RYR3: variants seen among roughly 807,000 people sequenced by gnomAD.
The protein encoded by RYR3 is ryanodine receptor 3, also known as brain ryanodine receptor-calcium release channel.
RYR3 carries 207 observed loss-of-function variants against 584.3 expected under a neutral mutation model. The observed-to-expected ratio is 0.35, with a 90% CI of 0.32 to 0.40. The LOEUF (loss-of-function observed/expected upper bound fraction) is 0.40. Among genes scored for constraint, RYR3 ranks in the 10% least tolerant of loss-of-function variants. The probability of loss-of-function intolerance (pLI) is 1.00; values close to 1 mark genes in which losing one functional copy is unlikely to be tolerated. For missense variants in RYR3, 5,616 were observed against 6,089.2 expected, an observed-to-expected ratio of 0.92 and a Z score of 2.59; for synonymous variants, 2,416 against 2,248.5, an observed-to-expected ratio of 1.07 and a Z score of -2.11.
intron 65 of RYR3, among the ~76,000 whole-genome samples, chr15:33,781,172 C>G (rs900402815): frequency 1.3e-5 from 2 of 152,178 alleles, no homozygotes; most frequent in Non-Finnish European, 2.9e-5. Context: ...GTGCTTGTAT[C>G]TGGGTTAATT....
chr15:33,451,242 A>G (rs2047099630), intron 1 of RYR3, among the ~76,000 whole-genome samples: 1 of 152,160 alleles, frequency 6.6e-6, no homozygotes, highest in African/African-American at 2.4e-5. Flanking sequence ...ACTTTCCCCC[A>G]GTAGATAGCA....
At chr15:33,793,818 A>G (rs1329711181) in intron 67 of RYR3, among the ~76,000 whole-genome samples, 1 of 151,190 alleles carries the variant, frequency 6.6e-6, no homozygotes, top group Non-Finnish European at 1.5e-5. Context: ...GCATTATTTT[A>G]TAAGGTAAAT....
rs2152702882 is a variant in RYR3 at position 33,660,235 on chromosome 15, A to G, written c.4434A>G (p.Glu1478=). 1 of 1,553,392 alleles carries G rather than the reference A, an allele frequency of 6.4e-7. No individual in the cohort carries two copies. The highest frequency in any genetic ancestry group is 8.7e-7 in the Non-Finnish European group (1 of 1,148,028). Reference sequence around the variant, plus strand: ...TGTCAGCGGCCATATTCAGGAGTGAAGAGAAGAACCCAGTCCCACAGTGTC... The same window carrying G: ...TGTCAGCGGCCATATTCAGGAGTGAGGAGAAGAACCCAGTCCCACAGTGTC... ...MPLSAAIFRS[E]EKNPVPQCPP... The change falls in exon 34 of 104, where the codon GAA becomes GAG. Residue 1478 remains glutamate (E), a synonymous_variant. Transcript: ENST00000634891.
intron 1 of RYR3, among the ~76,000 whole-genome samples, chr15:33,453,123 T>C (rs1021184445): frequency 2.6e-5 from 4 of 152,140 alleles, no homozygotes; most frequent in Non-Finnish European, 5.9e-5. Context: ...TGGAATATAG[T>C]CAAGCAACAA....
chr15:33,688,857 C>T (rs1010617790), intron 38 of RYR3, among the ~76,000 whole-genome samples: 25 of 152,042 alleles, frequency 1.6e-4, no homozygotes, highest in Middle Eastern at 3.2e-3. Context: ...CCATTTGATC[C>T]GGCAATCCCA....
intron 3 of RYR3, among the ~76,000 whole-genome samples, chr15:33,509,504 C>G (rs1470472776): frequency 6.6e-6 from 1 of 152,132 alleles, no homozygotes; most frequent in Non-Finnish European, 1.5e-5. Context: ...GGAACTGCGT[C>G]CATAATTCTA....
intron 64 of RYR3, 104 bp from the exon 65 acceptor site, chr15:33,780,107 C>T: frequency 7.2e-7 from 1 of 1,382,972 alleles, no homozygotes; most frequent in Non-Finnish European, 9.9e-7. Context: ...GAGCCTAGTG[C>T]CTAGGGATGT....
chr15:33,343,905 T>A (rs1049246032), intron 1 of RYR3, among the ~76,000 whole-genome samples: 1 of 152,206 alleles, frequency 6.6e-6, no homozygotes, highest in African/African-American at 2.4e-5. Context: ...ATTCTTGATG[T>A]CTTCTGGCTT....
intron 65 of RYR3, among the ~76,000 whole-genome samples, chr15:33,782,564 C>G (rs1046150053): frequency 6.7e-6 from 1 of 149,466 alleles, no homozygotes; most frequent in Non-Finnish European, 1.5e-5. Context: ...TATCTAGAGC[C>G]GGAGAATGAC....
chr15:33,836,948 C>T lies in RYR3; in HGVS notation c.11611C>T (p.Leu3871Phe). Residue 3871 changes from leucine to phenylalanine, a missense_variant, in exon 88 of 104, where the codon CTT becomes TTT. Transcript: ENST00000634891. ...GCTGCTGAAGGAACTCTTGGATCTC[C>T]TTCAGGACATGGTGGTGATGCTTCT... ...IELLKELLDL[L>F]QDMVVMLLSL... 1 of 1,613,760 alleles carries T rather than the reference C, an allele frequency of 6.2e-7. No homozygotes were observed. The highest frequency in any genetic ancestry group is 8.5e-7 in the Non-Finnish European group (1 of 1,179,846).
At chr15:33,660,460 AG>A (rs1483048889) in intron 34 of RYR3, 37 bp downstream of exon 34, 1 of 1,440,340 alleles carries the variant, frequency 6.9e-7, no homozygotes, top group Non-Finnish European at 9.4e-7. Context: ...GGCAGGCCTG[AG>A]GGGCAGGTGA....
chr15:33,680,899 G>C (rs773850778), intron 38 of RYR3, among the ~76,000 whole-genome samples: 1 of 152,200 alleles, frequency 6.6e-6, no homozygotes, highest in Non-Finnish European at 1.5e-5. Flanking sequence ...GTTCTGGCTC[G>C]TGATTTTCAG....
intron 16 of RYR3, among the ~76,000 whole-genome samples, chr15:33,589,790 C>G (rs768406488): frequency 6.6e-6 from 1 of 152,180 alleles, no homozygotes; most frequent in Non-Finnish European, 1.5e-5. Context: ...GGCTTTATTT[C>G]TAAGTTCTCT....
At chr15:33,855,687 T>C (rs1175290498) in intron 98 of RYR3, among the ~76,000 whole-genome samples, 1 of 152,122 alleles carries the variant, frequency 6.6e-6, no homozygotes, top group African/African-American at 2.4e-5. Flanking sequence ...CACACACACA[T>C]ATGTATATGG....
intron 1 of RYR3, chr15:33,465,680 C>T: frequency 3.9e-6 from 2 of 518,512 alleles, no homozygotes; most frequent in Non-Finnish European, 7.7e-6. Flanking sequence ...GTGTGGAGGA[C>T]AGCAGTGAGA....
At chr15:33,323,549 G>A (rs938108134) in intron 1 of RYR3, among the ~76,000 whole-genome samples, 36 of 152,070 alleles carry the variant, frequency 2.4e-4, no homozygotes, top group African/African-American at 8.7e-4. Flanking sequence ...TATGGGGAGG[G>A]GGTGGAAGAT....
chr15:33,526,042 T>G lies in RYR3; in HGVS notation c.280-4550T>G, dbSNP rs145194684. 7.9e-5 allele frequency among the ~76,000 whole-genome samples: 12 copies of G among 152,302 alleles called. No homozygotes were observed. In the East Asian group the frequency reaches 2.3e-3, roughly 29 times the overall value. On this transcript the variant is annotated intron_variant, in intron 3 of 103. Transcript: ENST00000634891. ...CTTCCTGAGGCCTTGGAAGATTTCT[T>G]ATTGCCTGGGACTCCCAAAGTGGAA...
intron 1 of RYR3, among the ~76,000 whole-genome samples, chr15:33,327,635 A>G (rs1227473793): frequency 6.6e-6 from 1 of 152,232 alleles, no homozygotes; most frequent in African/African-American, 2.4e-5. Flanking sequence ...ATTTTACTTC[A>G]TGTTATGAAA....
At chr15:33,499,697 T>C (rs1446704466) in intron 2 of RYR3, among the ~76,000 whole-genome samples, 1 of 152,206 alleles carries the variant, frequency 6.6e-6, no homozygotes, top group Non-Finnish European at 1.5e-5. Flanking sequence ...ATCTCCATTA[T>C]ACAGATAAGG....
Sources: allele counts gnomAD v4.1 joint callset (sites outside exome capture counted in the v4.1 genomes callset), GRCh38; gene constraint gnomAD v4.1.1; transcripts MANE v1.5; gene names NCBI Gene and HGNC (gene_info 2026-07-23, HGNC 2026-07-21).